BMP5: variants seen among roughly 807,000 people sequenced by gnomAD.
BMP5 encodes the protein bone morphogenetic protein 5.
In BMP5, 23 loss-of-function variants were observed where a neutral mutation model predicts 46.6. That is an observed-to-expected ratio of 0.49 (90% CI 0.35 to 0.70). BMP5 has a LOEUF of 0.70. Among genes scored for constraint, BMP5 ranks in the 30% least tolerant of loss-of-function variants. The pLI, the probability that BMP5 is intolerant of heterozygous loss-of-function variation, is 0.00. For synonymous variants in BMP5, 204 were observed against 191.9 expected (o/e 1.06, Z -0.52); for missense variants, 545 against 565.6 (o/e 0.96, Z 0.37).
At chr6:55,847,230 C>G in intron 1 of BMP5, among the ~76,000 whole-genome samples, 1 of 151,962 alleles carries the variant, frequency 6.6e-6, no homozygotes, top group East Asian at 1.9e-4. Context: ...CTGTGGTCAT[C>G]TTTGCCAGAC....
rs1442749264 is a variant in BMP5, at chr6:55,875,343, C to A, written c.-478G>T. The A allele has an allele frequency of 5.4e-6, 1 of 184,058 alleles. No individual in the cohort carries two copies. The highest frequency in any genetic ancestry group is 2.4e-5 in the African/African-American group (1 of 41,602). The allele number at this position is 184,058 out of a possible 1,614,324, so 11.4% of individuals were successfully genotyped here. A position where few individuals can be genotyped will look rare whatever the true frequency, so the allele number is the denominator to read the frequency against. ...AAATCCTGATTTCTGAATCACAGAT[C>A]TATGCTGATCTGCACCTTGGTGTTG... is the stretch of plus-strand genomic sequence containing the variant. On this transcript the variant is annotated 5_prime_UTR_variant, in exon 1 of 7. Coordinates refer to ENST00000370830, the MANE Select transcript of BMP5 (RefSeq NM_021073.4).
At chr6:55,763,336 G>A (rs1257549693) in intron 4 of BMP5, among the ~76,000 whole-genome samples, 1 of 152,088 alleles carries the variant, frequency 6.6e-6, no homozygotes, top group Non-Finnish European at 1.5e-5. Flanking sequence ...TGCAGGCTAA[G>A]TGATGTATAT....
chr6:55,798,125 G>A (rs1160301451), intron 2 of BMP5, among the ~76,000 whole-genome samples: 1 of 152,062 alleles, frequency 6.6e-6, no homozygotes, highest in Non-Finnish European at 1.5e-5. Flanking sequence ...TCCTATGCAT[G>A]TCTTTGTGTC....
chr6:55,787,818 G>C (rs535639204), intron 3 of BMP5, among the ~76,000 whole-genome samples: 6 of 151,708 alleles, frequency 4.0e-5, no homozygotes, highest in African/African-American at 1.4e-4. Context: ...GAAAATAAAA[G>C]AGGATTAAAC....
intron 2 of BMP5, among the ~76,000 whole-genome samples, chr6:55,808,710 G>T (rs368034316): frequency 6.6e-6 from 1 of 152,170 alleles, no homozygotes; most frequent in Non-Finnish European, 1.5e-5. Context: ...TGGCTGGGGG[G>T]TGGTGGCCCC....
intron 1 of BMP5, 145 bp from the exon 2 acceptor site, chr6:55,819,992 G>T: frequency 1.4e-6 from 1 of 722,126 alleles, no homozygotes; most frequent in Non-Finnish European, 2.3e-6. Flanking sequence ...AAACTGAAAC[G>T]TGTTTCCAGT....
intron 3 of BMP5, among the ~76,000 whole-genome samples, chr6:55,780,641 A>G (rs150068381): frequency 8.0e-4 from 122 of 152,088 alleles, no homozygotes; most frequent in African/African-American, 2.9e-3. Flanking sequence ...ATTTTGCAGA[A>G]GATACTGTCG....
intron 5 of BMP5, among the ~76,000 whole-genome samples, chr6:55,759,705 A>C (rs935879836): frequency 6.6e-6 from 1 of 151,906 alleles, no homozygotes; most frequent in African/African-American, 2.4e-5. Flanking sequence ...ATTCCTAAAA[A>C]CTGAACATGA....
chr6:55,786,291 C>A (rs1456002724), intron 3 of BMP5, among the ~76,000 whole-genome samples: 2 of 151,658 alleles, frequency 1.3e-5, no homozygotes, highest in African/African-American at 4.8e-5. Flanking sequence ...TTAAAGATTA[C>A]AATTGGCGTA....
At chr6:55,815,383 C>T (rs900567924) in intron 2 of BMP5, among the ~76,000 whole-genome samples, 2 of 152,036 alleles carry the variant, frequency 1.3e-5, no homozygotes, top group South Asian at 4.1e-4. Flanking sequence ...TTTAAAAATA[C>T]TATTTGGCAA....
Position 55,819,735 on chromosome 6 carries a change from G to A in BMP5, c.603C>T (p.Tyr201=), listed in dbSNP as rs80236997. ...EAVTAAEFRI[Y]KDRSNNRFEN... ...CAAATCGGTTGTTGCTCCGGTCCTTGTATATCCGGAATTCAGCTGCTGTCA... is the reference window on the plus strand; with the variant it reads ...CAAATCGGTTGTTGCTCCGGTCCTTATATATCCGGAATTCAGCTGCTGTCA... The change falls in exon 2 of 7, where the codon TAC becomes TAT. Residue 201 remains tyrosine, a synonymous_variant. Coordinates refer to ENST00000370830, the MANE Select transcript of BMP5 (RefSeq NM_021073.4). 6.2e-7 allele frequency: 1 copy of A among 1,613,684 alleles called. No homozygotes were observed. The highest frequency in any genetic ancestry group is 8.5e-7 in the Non-Finnish European group (1 of 1,179,728).
At chr6:55,824,549 A>G (rs1157932381) in intron 1 of BMP5, among the ~76,000 whole-genome samples, 1 of 151,958 alleles carries the variant, frequency 6.6e-6, no homozygotes, top group East Asian at 1.9e-4. Flanking sequence ...AAAAGGCAGA[A>G]GGTTTGGCTC....
intron 1 of BMP5, among the ~76,000 whole-genome samples, chr6:55,860,251 G>A (rs1159913094): frequency 2.0e-5 from 3 of 152,194 alleles, no homozygotes; most frequent in African/African-American, 7.2e-5. Context: ...TCCAGCCTGG[G>A]TAACAGAGCA....
In BMP5 at chr6:55,774,042, T is replaced by C. The variant is rs1171768264; in HGVS notation, c.1027+7A>G. On this transcript the variant is annotated splice_region_variant and intron_variant, in intron 4 of 6. Transcript: ENST00000370830. ...TGTGCATAACTGCTGCTCGGGTTTATTCTTACCTCCAACACTGGACATTCT... is the reference window on the plus strand; with the variant it reads ...TGTGCATAACTGCTGCTCGGGTTTACTCTTACCTCCAACACTGGACATTCT... 1.2e-6 allele frequency: 2 copies of C among 1,612,170 alleles called. No homozygotes were observed. The highest frequency in any genetic ancestry group is 1.7e-6 in the Non-Finnish European group (2 of 1,179,084).
At chr6:55,760,563 T>C (rs1429765014) in intron 4 of BMP5, 30 bp from the exon 5 acceptor site, 2 of 1,590,780 alleles carry the variant, frequency 1.3e-6, no homozygotes, top group Non-Finnish European at 1.7e-6. Flanking sequence ...TTTGAATAAA[T>C]GGTTGCTTAC....
chr6:55,758,915 TA>T, intron 6 of BMP5, 89 bp downstream of exon 6: 1 of 933,720 alleles, frequency 1.1e-6, no homozygotes, highest in South Asian at 1.3e-5. Context: ...AATAATGCAT[TA>T]AAATTGTAAA....
At position 55,865,518 on chromosome 6, in the gene BMP5, C is replaced by A. The variant is rs557568489; in HGVS notation, c.490+8858G>T. On this transcript the variant is annotated intron_variant, in intron 1 of 6. Coordinates refer to ENST00000370830, the MANE Select transcript of BMP5 (RefSeq NM_021073.4). ...CATGAAGGCTCTGACATAGACTGAC[C>A]TTTTCCAAAGCACTCTAGTGGGGGA... 426 of 428,016 alleles carry A rather than the reference C, an allele frequency of 1.0e-3. 3 individuals carry two copies. The highest frequency in any genetic ancestry group is 7.6e-3 in the African/African-American group (366 of 47,958). 26.5% of individuals were successfully genotyped at this position (428,016 alleles called of 1,614,324 possible). A position where few individuals can be genotyped will look rare whatever the true frequency, so the allele number is the denominator to read the frequency against.
chr6:55,782,386 C>T (rs1326096264), intron 3 of BMP5, among the ~76,000 whole-genome samples: 1 of 152,170 alleles, frequency 6.6e-6, no homozygotes, highest in Non-Finnish European at 1.5e-5. Flanking sequence ...TTTTTCTTCA[C>T]CATTTTTTCA....
At chr6:55,829,907 T>C (rs957495836) in intron 1 of BMP5, among the ~76,000 whole-genome samples, 1 of 151,960 alleles carries the variant, frequency 6.6e-6, no homozygotes, top group Non-Finnish European at 1.5e-5. Flanking sequence ...ACCAAATCTT[T>C]GGTAACATAT....
Sources: gnomAD v4.1 joint callset for allele counts (sites outside exome capture counted in the v4.1 genomes callset) on GRCh38, gnomAD v4.1.1 for gene constraint, MANE v1.5 for transcripts, NCBI Gene and HGNC (gene_info 2026-07-23, HGNC 2026-07-21) for gene names.